Variants in EGFLAM observed in about 807,000 individuals in gnomAD.
EGFLAM encodes pikachurin.
EGFLAM carries 79 observed loss-of-function variants against 113.1 expected under a neutral mutation model. The observed-to-expected ratio is 0.70, with a 90% CI of 0.58 to 0.84. EGFLAM has a LOEUF of 0.84. Among genes scored for constraint, EGFLAM ranks in the 40% least tolerant of loss-of-function variants. The pLI, the probability that EGFLAM is intolerant of heterozygous loss-of-function variation, is 0.00. For missense variants in EGFLAM, 1,265 were observed against 1,291.6 expected (o/e 0.98, Z 0.32); for synonymous variants, 504 against 487.6 (o/e 1.03, Z -0.44).
chr5:38,437,687 G>A (rs367939131), intron 16 of EGFLAM, among the ~76,000 whole-genome samples: 4 of 152,160 alleles, frequency 2.6e-5, no homozygotes, highest in East Asian at 1.9e-4. Flanking sequence ...GTTGAAATCC[G>A]AACTTTGTAG....
intron 11 of EGFLAM, among the ~76,000 whole-genome samples, chr5:38,417,571 AC>A (rs1159403632): frequency 6.6e-6 from 1 of 150,564 alleles, no homozygotes; most frequent in African/African-American, 2.4e-5. Context: ...ATTCCCCTCC[AC>A]CCCCCGTCCA....
At chr5:38,274,225 G>A (rs1757831869) in intron 1 of EGFLAM, among the ~76,000 whole-genome samples, 1 of 152,152 alleles carries the variant, frequency 6.6e-6, no homozygotes, top group Admixed American at 6.5e-5. Flanking sequence ...AACAGCAAAT[G>A]TTTGAGTCAT....
intron 20 of EGFLAM, among the ~76,000 whole-genome samples, chr5:38,460,444 C>G (rs945816708): frequency 1.3e-5 from 2 of 152,194 alleles, no homozygotes; most frequent in South Asian, 2.1e-4. Flanking sequence ...CCATCCTACC[C>G]CATGATGAAA....
At chr5:38,462,030 A>T (rs567832249) in intron 20 of EGFLAM, among the ~76,000 whole-genome samples, 31 of 152,054 alleles carry the variant, frequency 2.0e-4, no homozygotes, top group South Asian at 6.2e-4. Context: ...TAGCCGGGCG[A>T]GGTGGCGGGC....
intron 1 of EGFLAM, among the ~76,000 whole-genome samples, chr5:38,261,293 C>A (rs752417885): frequency 6.6e-6 from 1 of 152,118 alleles, no homozygotes; most frequent in Non-Finnish European, 1.5e-5. Context: ...TCTGCATTTG[C>A]CAAGACTTAC....
intron 20 of EGFLAM, chr5:38,461,287 A>G (rs758834572): frequency 6.6e-6 from 1 of 152,348 alleles, no homozygotes; most frequent in South Asian, 2.1e-4. Flanking sequence ...AAGAAAATTA[A>G]CATCCTTGCC....
At chr5:38,437,727 G>C (rs1035169838) in intron 16 of EGFLAM, among the ~76,000 whole-genome samples, 3 of 152,156 alleles carry the variant, frequency 2.0e-5, no homozygotes, top group South Asian at 2.1e-4. Flanking sequence ...ACCTAACCGA[G>C]TGGCCAGTCT....
chr5:38,345,277 G>C (rs1362215157), intron 3 of EGFLAM: 1 of 152,194 alleles, frequency 6.6e-6, no homozygotes, highest in Non-Finnish European at 1.5e-5. Flanking sequence ...TAAAGGAAAT[G>C]ATGGCGTACA....
intron 14 of EGFLAM, among the ~76,000 whole-genome samples, chr5:38,428,736 A>G (rs1435982994): frequency 6.6e-6 from 1 of 152,026 alleles, no homozygotes; most frequent in Non-Finnish European, 1.5e-5. Flanking sequence ...AGCACATGGA[A>G]CCCTTAGAAG....
intron 1 of EGFLAM, 50 bp from the exon 2 acceptor site, chr5:38,337,470 A>G: frequency 6.7e-7 from 1 of 1,487,412 alleles, no homozygotes; most frequent in Non-Finnish European, 9.1e-7. Flanking sequence ...AAGTATACTC[A>G]AGGTGGGATG....
At chr5:38,446,960 A>T (rs776184727) in intron 17 of EGFLAM, among the ~76,000 whole-genome samples, 1 of 152,130 alleles carries the variant, frequency 6.6e-6, no homozygotes, top group African/African-American at 2.4e-5. Context: ...TGCACCAACC[A>T]TGTATTTTCG....
At chr5:38,376,173 C>T (rs1740359520) in intron 6 of EGFLAM, among the ~76,000 whole-genome samples, 1 of 152,154 alleles carries the variant, frequency 6.6e-6, no homozygotes, top group South Asian at 2.1e-4. Flanking sequence ...TATTCACTGC[C>T]TCCACTGGCC....
At chr5:38,388,011 G>A (rs996283198) in intron 6 of EGFLAM, among the ~76,000 whole-genome samples, 3 of 152,168 alleles carry the variant, frequency 2.0e-5, no homozygotes, top group African/African-American at 7.2e-5. Flanking sequence ...AGTTACCACT[G>A]ATTTTCTCTG....
chr5:38,272,772 G>GTGTGTGTGTC (rs1333473357), intron 1 of EGFLAM, among the ~76,000 whole-genome samples: 3 of 151,986 alleles, frequency 2.0e-5, no homozygotes, highest in East Asian at 3.9e-4. Flanking sequence ...GTGTGTGTGT[G>GTGTGTGTGTC]TGTGTCTGTG....
chr5:38,462,474 T>C (rs1372511490), intron 20 of EGFLAM: 1 of 168,334 alleles, frequency 5.9e-6, no homozygotes, highest in Non-Finnish European at 1.3e-5. Context: ...GCTCTTTCTC[T>C]TTGCTGTTGT....
rs187099136 is a variant in EGFLAM at position 38,287,430 on chromosome 5, G to T, written c.97+28579G>T. Among the ~76,000 whole-genome samples, 8 of 152,254 alleles carry T rather than the reference G, an allele frequency of 5.3e-5. No homozygotes were observed. In the East Asian group the frequency reaches 1.5e-3, roughly 29 times the overall value. On this transcript the variant is annotated intron_variant, in intron 1 of 21. Coordinates refer to ENST00000322350, the MANE Select transcript of EGFLAM (RefSeq NM_152403.4). ...TCTGTTGCCCAACCTGGAGGGCAGTGGCACAATCTTGGCTCACTGCAACCT... is the reference window on the plus strand; with the variant it reads ...TCTGTTGCCCAACCTGGAGGGCAGTTGCACAATCTTGGCTCACTGCAACCT...
intron 1 of EGFLAM, among the ~76,000 whole-genome samples, chr5:38,313,958 G>A (rs1224864518): frequency 1.3e-5 from 2 of 152,114 alleles, no homozygotes; most frequent in Admixed American, 6.5e-5. Flanking sequence ...TTTAACTTTG[G>A]TTGTTGTTTC....
At chr5:38,262,550 C>T (rs1757526135) in intron 1 of EGFLAM, among the ~76,000 whole-genome samples, 1 of 152,180 alleles carries the variant, frequency 6.6e-6, no homozygotes, top group Non-Finnish European at 1.5e-5. Flanking sequence ...ACTGATCTAA[C>T]TTCTATCCCT....
At chr5:38,271,972 C>A (rs1290984635) in intron 1 of EGFLAM, among the ~76,000 whole-genome samples, 6 of 152,228 alleles carry the variant, frequency 3.9e-5, no homozygotes. Flanking sequence ...CTTCTGAATT[C>A]ATTTCATACA....
Sources: allele counts gnomAD v4.1 joint callset (sites outside exome capture counted in the v4.1 genomes callset), GRCh38; gene constraint gnomAD v4.1.1; transcripts MANE v1.5; gene names NCBI Gene and HGNC (gene_info 2026-07-23, HGNC 2026-07-21).